The following LUC7L variants were observed in gnomAD, a reference collection of about 807,000 sequenced individuals.
LUC7L encodes the protein putative RNA-binding protein Luc7-like 1.
In LUC7L, 29 loss-of-function variants were observed where a neutral mutation model predicts 51.1. The observed-to-expected ratio is 0.57, with a 90% confidence interval of 0.42 to 0.77. The LOEUF (loss-of-function observed/expected upper bound fraction) is 0.77, where lower values mean the gene tolerates loss of function less well. Ranked by LOEUF, LUC7L falls within the 30% of genes least tolerant of loss-of-function variation. LUC7L has a pLI of 0.00. For missense variants in LUC7L, 403 were observed against 511.9 expected, an observed-to-expected ratio of 0.79 and a Z score of 2.05; for synonymous variants, 181 against 180.7, an observed-to-expected ratio of 1.00 and a Z score of -0.01.
chr16:205,666 T>C (rs909812844), intron 5 of LUC7L, among the ~76,000 whole-genome samples: 1 of 152,224 alleles, frequency 6.6e-6, no homozygotes, highest in Admixed American at 6.5e-5. Flanking sequence ...CTCAGCTCAC[T>C]GCAAGCTCCG....
rs184424838 is a variant in LUC7L at position 214,745 on chromosome 16, T to G, written c.255+5904A>C. Among the ~76,000 whole-genome samples, 269 of 152,216 alleles carry G rather than the reference T, an allele frequency of 1.8e-3. 1 individual carries two copies. Among genetic ancestry groups the G allele is most frequent in the African/African-American group, 6.3e-3 (261 of 41,556 alleles). ...GGGTTTGTCATCTTGCCCAGGCTAG[T>G]CTCCAACTGGGCTCATGCGACCCAC... On this transcript the variant is annotated intron_variant, in intron 3 of 9. Coordinates refer to ENST00000293872, the MANE Select transcript of LUC7L (RefSeq NM_201412.3).
At chr16:196,427 C>CAAA (rs1280885414) in intron 6 of LUC7L, among the ~76,000 whole-genome samples, 1 of 148,424 alleles carries the variant, frequency 6.7e-6, no homozygotes, top group African/African-American at 2.6e-5. Context: ...AACAAACAAA[C>CAAA]AAAAAAAACC....
At chr16:193,600 G>T (rs528291489) in intron 6 of LUC7L, among the ~76,000 whole-genome samples, 2 of 151,448 alleles carry the variant, frequency 1.3e-5, no homozygotes, top group Non-Finnish European at 2.9e-5. Context: ...GGGTTCAAGC[G>T]ATTCTTCTGC....
chr16:203,871 C>T (rs1412945476), intron 5 of LUC7L, among the ~76,000 whole-genome samples: 2 of 151,740 alleles, frequency 1.3e-5, no homozygotes, highest in Non-Finnish European at 2.9e-5. Flanking sequence ...AAAAAATTAG[C>T]CAGGTATGGT....
intron 6 of LUC7L, among the ~76,000 whole-genome samples, chr16:195,081 C>A (rs1027129874): frequency 6.6e-6 from 1 of 152,130 alleles, no homozygotes; most frequent in Non-Finnish European, 1.5e-5. Context: ...CCATGCTCAT[C>A]CTGTGTCTGA....
At chr16:211,166 A>G (rs2049629390) in intron 3 of LUC7L, among the ~76,000 whole-genome samples, 1 of 151,832 alleles carries the variant, frequency 6.6e-6, no homozygotes. Flanking sequence ...CCCCATCTCT[A>G]CTAAAAATAC....
rs866290738 is a variant in LUC7L, at chr16:217,037, G to C, written c.255+3612C>G. Among the ~76,000 whole-genome samples, 20 of 151,748 alleles carry C rather than the reference G, an allele frequency of 1.3e-4. No homozygotes were observed. In the South Asian group the frequency reaches 1.7e-3, roughly 13 times the overall value. ...AAATAGAATTTTTTTTTTTGAGACA[G>C]AGTTTCGCTCTGTCACCCAAGTAGA... On this transcript the variant is annotated intron_variant, in intron 3 of 9. Coordinates refer to ENST00000293872, the MANE Select transcript of LUC7L (RefSeq NM_201412.3).
At chr16:208,383 G>C (rs992321999) in intron 3 of LUC7L, 195 bp from the exon 4 acceptor site, 3 of 499,456 alleles carry the variant, frequency 6.0e-6, no homozygotes, top group Non-Finnish European at 6.9e-6. Flanking sequence ...TAAACAGAAT[G>C]ATTGTTTGGA....
chr16:224,674 AC>A (rs1041864928), intron 2 of LUC7L, among the ~76,000 whole-genome samples: 3 of 151,288 alleles, frequency 2.0e-5, no homozygotes, highest in African/African-American at 4.9e-5. Context: ...TACTAAAAAT[AC>A]AAAAAAAATT....
chr16:200,837 G>A (rs1200601349), intron 5 of LUC7L, among the ~76,000 whole-genome samples: 1 of 152,018 alleles, frequency 6.6e-6, no homozygotes, highest in African/African-American at 2.4e-5. Context: ...ACCTGTGACT[G>A]CGCCACTGTA....
At chr16:218,188 C>T (rs1486544438) in intron 3 of LUC7L, among the ~76,000 whole-genome samples, 2 of 151,000 alleles carry the variant, frequency 1.3e-5, no homozygotes, top group Non-Finnish European at 3.0e-5. Flanking sequence ...AGTGACACTC[C>T]GTCTCAAAAA....
chr16:225,091 G>A (rs909641358), intron 2 of LUC7L, among the ~76,000 whole-genome samples: 10 of 152,136 alleles, frequency 6.6e-5, no homozygotes, highest in African/African-American at 2.4e-4. Flanking sequence ...TAAATCCAGT[G>A]TGTCAGGCGT....
intron 7 of LUC7L, among the ~76,000 whole-genome samples, chr16:192,156 G>A (rs2049026593): frequency 1.3e-5 from 2 of 152,014 alleles, no homozygotes; most frequent in South Asian, 2.1e-4. Flanking sequence ...TCCTCTGCAC[G>A]CTTCACACAC....
chr16:208,551 C>T (rs1158334162), intron 3 of LUC7L: 2 of 902,036 alleles, frequency 2.2e-6, no homozygotes, highest in African/African-American at 1.8e-5. Context: ...TAGACTCGTG[C>T]TGGAGGCCCT....
At chr16:204,123 C>T (rs1420853848) in intron 5 of LUC7L, among the ~76,000 whole-genome samples, 1 of 152,074 alleles carries the variant, frequency 6.6e-6, no homozygotes, top group African/African-American at 2.4e-5. Context: ...GAGATCTTCA[C>T]TATGAGAAAA....
In LUC7L at chr16:208,072, G is replaced by A. The variant is rs1161146308; in HGVS notation, c.366+6C>T. 2 of 1,601,942 alleles carry A rather than the reference G, an allele frequency of 1.2e-6. No homozygotes were observed. The highest frequency in any genetic ancestry group is 2.7e-5 in the African/African-American group (2 of 74,202). On this transcript the variant is annotated splice_donor_region_variant and intron_variant, in intron 4 of 9. Coordinates refer to ENST00000293872, the MANE Select transcript of LUC7L (RefSeq NM_201412.3). ...CACACCAGACACCGAAGCCACCCAA[G>A]CATACCTTTGCAGAAACTTCCGCAC...
At chr16:201,761 TGAGA>T (rs1292960314) in intron 5 of LUC7L, among the ~76,000 whole-genome samples, 2 of 96,142 alleles carry the variant, frequency 2.1e-5, no homozygotes, top group African/African-American at 4.4e-5. Flanking sequence ...TTTTTTTTTT[TGAGA>T]GAGAGTCTTG....
At chr16:198,871 G>A (rs2049238197) in intron 6 of LUC7L, among the ~76,000 whole-genome samples, 191 bp downstream of exon 6, 1 of 151,888 alleles carries the variant, frequency 6.6e-6, no homozygotes, top group Non-Finnish European at 1.5e-5. Flanking sequence ...GTAGAGACGG[G>A]GTTTCACCAT....
chr16:203,223 T>C (rs2049383448), intron 5 of LUC7L, among the ~76,000 whole-genome samples: 1 of 152,162 alleles, frequency 6.6e-6, no homozygotes, highest in Non-Finnish European at 1.5e-5. Context: ...TCTGAATGAA[T>C]CTGTATATTA....
Sources: gnomAD v4.1 joint callset for allele counts (sites outside exome capture counted in the v4.1 genomes callset) on GRCh38, gnomAD v4.1.1 for gene constraint, MANE v1.5 for transcripts, NCBI Gene and HGNC (gene_info 2026-07-23, HGNC 2026-07-21) for gene names.